SHROOM3: variants seen among roughly 807,000 people sequenced by gnomAD.
SHROOM3 encodes the protein protein Shroom3.
In SHROOM3, 47 loss-of-function variants were observed where a neutral mutation model predicts 138.6. That is an observed-to-expected ratio of 0.34 (90% CI 0.27 to 0.43). The LOEUF (loss-of-function observed/expected upper bound fraction) is 0.43, where lower values mean the gene tolerates loss of function less well. Ranked by LOEUF, SHROOM3 falls within the 20% of genes least tolerant of loss-of-function variation. The pLI, the probability that SHROOM3 is intolerant of heterozygous loss-of-function variation, is 1.00. For synonymous variants in SHROOM3, 1,062 were observed against 1,063.3 expected, an observed-to-expected ratio of 1.00 and a Z score of 0.02; for missense variants, 2,491 against 2,596.5, an observed-to-expected ratio of 0.96 and a Z score of 0.88.
At chr4:76,492,735 G>A (rs1247931477) in intron 1 of SHROOM3, among the ~76,000 whole-genome samples, 10 of 152,122 alleles carry the variant, frequency 6.6e-5, no homozygotes, top group Admixed American at 2.0e-4. Context: ...TCCTATACAC[G>A]TGAACTTAGA....
intron 2 of SHROOM3, among the ~76,000 whole-genome samples, chr4:76,707,419 G>C (rs1399055722): frequency 6.6e-6 from 1 of 152,114 alleles, no homozygotes; most frequent in Non-Finnish European, 1.5e-5. Flanking sequence ...AAAAAGTTGT[G>C]GGAATAATAT....
rs115519195 is a variant in SHROOM3, at chr4:76,489,348, A to T, written c.168+53128A>T. ...AATTAAGAGCAGTTAAAAGTTAAAG[A>T]TGTAAAAGTTAAGTCACAAGACCCA... On this transcript the variant is annotated intron_variant, in intron 1 of 10. Transcript: ENST00000296043. Among the ~76,000 whole-genome samples the T allele has an allele frequency of 6.9e-3, 1,049 of 152,328 alleles. 10 individuals carry two copies. Among genetic ancestry groups the T allele is most frequent in the African/African-American group, 0.024 (1,000 of 41,586 alleles).
At chr4:76,566,945 C>T (rs533766332) in intron 2 of SHROOM3, among the ~76,000 whole-genome samples, 11 of 152,356 alleles carry the variant, frequency 7.2e-5, no homozygotes, top group Non-Finnish European at 8.8e-5. Context: ...GTGCTTTTGC[C>T]AGTAGCTAAA....
chr4:76,509,347 G>A (rs1247077013), intron 1 of SHROOM3: 1 of 152,094 alleles, frequency 6.6e-6, no homozygotes, highest in Non-Finnish European at 1.5e-5. Context: ...CTGGTGTAGG[G>A]TTTGGAGTAG....
intron 1 of SHROOM3, among the ~76,000 whole-genome samples, chr4:76,544,495 C>A (rs1175055336): frequency 6.9e-6 from 1 of 145,708 alleles, no homozygotes; most frequent in East Asian, 2.0e-4. Flanking sequence ...CGGCTCACTG[C>A]AGCCTCTAGC....
intron 2 of SHROOM3, among the ~76,000 whole-genome samples, chr4:76,582,392 C>A (rs1734069789): frequency 1.3e-5 from 2 of 151,840 alleles, no homozygotes; most frequent in Admixed American, 6.6e-5. Flanking sequence ...AAAAAATGAG[C>A]AAAGAAACCA....
At chr4:76,642,877 G>A (rs1298350513) in intron 2 of SHROOM3, among the ~76,000 whole-genome samples, 1 of 151,960 alleles carries the variant, frequency 6.6e-6, no homozygotes, top group Admixed American at 6.6e-5. Context: ...TGAGATTAAT[G>A]TATCATTTGT....
Position 76,753,163 on chromosome 4 carries a change from C to T in SHROOM3, c.3828-1148C>T, listed in dbSNP as rs531514643. ...TATGGAGAGGTTCCTGGTAAAGAAA[C>T]CATGTCTGAATGAAAGGGACTGGTC... is the stretch of plus-strand genomic sequence containing the variant. On this transcript the variant is annotated intron_variant, in intron 6 of 10. Transcript: ENST00000296043. Among the ~76,000 whole-genome samples, 3 of 152,258 alleles carry T rather than the reference C, an allele frequency of 2.0e-5. No homozygotes were observed. The South Asian group carries it at 6.2e-4, about 32-fold the overall frequency.
At chr4:76,682,956 T>C (rs1719241288) in intron 2 of SHROOM3, among the ~76,000 whole-genome samples, 1 of 152,238 alleles carries the variant, frequency 6.6e-6, no homozygotes, top group South Asian at 2.1e-4. Context: ...CTGATTTTTA[T>C]TTACTTTTCT....
At chr4:76,674,555 T>TC (rs1553935471) in intron 2 of SHROOM3, among the ~76,000 whole-genome samples, 1 of 55,460 alleles carries the variant, frequency 1.8e-5, no homozygotes, top group East Asian at 7.1e-4. Context: ...CCTTCCTTCC[T>TC]TTTTTTTTTT....
rs764718554 is a variant in SHROOM3 at position 76,730,867 on chromosome 4, C to T, written c.519C>T (p.Pro173=). 2.2e-5 allele frequency: 35 copies of T among 1,613,952 alleles called. No individual in the cohort carries two copies. Among genetic ancestry groups the T allele is most frequent in the Non-Finnish European group, 2.8e-5 (33 of 1,180,022 alleles). Residue 173 remains proline, a synonymous_variant, in exon 4 of 11, where the codon CCC becomes CCT. Transcript: ENST00000296043. ...WHTTKSGEKQ[P]DASMMQISQG... ...CAACTAAATCTGGGGAGAAGCAACC[C>T]GATGCCAGCATGATGCAGATATCTC...
chr4:76,657,430 T>A (rs2110091319), intron 2 of SHROOM3, among the ~76,000 whole-genome samples: 1 of 152,328 alleles, frequency 6.6e-6, no homozygotes, highest in South Asian at 2.1e-4. Flanking sequence ...TTCCTCCTGG[T>A]AAATGACATA....
intron 2 of SHROOM3, among the ~76,000 whole-genome samples, chr4:76,705,212 G>T (rs906291683): frequency 2.6e-5 from 4 of 152,316 alleles, no homozygotes; most frequent in Non-Finnish European, 4.4e-5. Context: ...ACTCATGCCT[G>T]TAATCCCAAC....
In SHROOM3 at chr4:76,446,014, C is replaced by G. The variant is rs566954613; in HGVS notation, c.168+9794C>G. Among the ~76,000 whole-genome samples the G allele has an allele frequency of 2.4e-4, 36 of 152,202 alleles. No individual in the cohort carries two copies. The South Asian group carries it at 3.5e-3, about 15-fold the overall frequency. ...CCCCCTCCACCCCATAACTCTTGAT[C>G]TCTTGGGTTATTTTTCACTCTCAAT... On this transcript the variant is annotated intron_variant, in intron 1 of 10. Coordinates refer to ENST00000296043, the MANE Select transcript of SHROOM3 (RefSeq NM_020859.4).
chr4:76,680,165 G>A (rs1719149075), intron 2 of SHROOM3, among the ~76,000 whole-genome samples: 1 of 148,670 alleles, frequency 6.7e-6, no homozygotes, highest in Non-Finnish European at 1.5e-5. Flanking sequence ...TTTTGAGACG[G>A]AGTCTCGCTC....
chr4:76,495,954 T>C (rs1382774587), intron 1 of SHROOM3, among the ~76,000 whole-genome samples: 1 of 152,102 alleles, frequency 6.6e-6, no homozygotes, highest in Non-Finnish European at 1.5e-5. Flanking sequence ...AAGAAAGGAC[T>C]TGAAGATAGG....
At chr4:76,728,544 A>G (rs1168403074) in intron 3 of SHROOM3, among the ~76,000 whole-genome samples, 1 of 152,202 alleles carries the variant, frequency 6.6e-6, no homozygotes, top group African/African-American at 2.4e-5. Context: ...AGTCTCAGGT[A>G]TGTCTTTATC....
At chr4:76,756,960 A>C (rs1464632098) in intron 8 of SHROOM3, 23 bp downstream of exon 8, 1 of 1,613,538 alleles carries the variant, frequency 6.2e-7, no homozygotes, top group South Asian at 1.1e-5. Flanking sequence ...TGATGTCCTC[A>C]GAGAGACTTA....
chr4:76,647,431 C>T (rs759619066), intron 2 of SHROOM3, among the ~76,000 whole-genome samples: 7 of 152,076 alleles, frequency 4.6e-5, no homozygotes, highest in African/African-American at 7.2e-5. Context: ...ACTCCCAACA[C>T]GTAGAAATGA....
Sources: allele counts gnomAD v4.1 joint callset (sites outside exome capture counted in the v4.1 genomes callset), GRCh38; gene constraint gnomAD v4.1.1; transcripts MANE v1.5; gene names NCBI Gene and HGNC (gene_info 2026-07-23, HGNC 2026-07-21).